ZBTB34: variants seen among roughly 807,000 people sequenced by gnomAD.
The protein encoded by ZBTB34 is zinc finger and BTB domain containing 34, also known as zinc finger and BTB domain-containing protein 34.
Under a neutral mutation model 33.4 loss-of-function variants are expected in ZBTB34, and 1 was observed. The observed-to-expected ratio is 0.03, with a 90% CI of 0.01 to 0.14. The LOEUF (loss-of-function observed/expected upper bound fraction) is 0.14, where lower values mean the gene tolerates loss of function less well. Among genes scored for constraint, ZBTB34 ranks in the 10% least tolerant of loss-of-function variants. The pLI, the probability that ZBTB34 is intolerant of heterozygous loss-of-function variation, is 1.00. For missense variants in ZBTB34, 406 were observed against 657.2 expected (o/e 0.62, Z 4.18); for synonymous variants, 283 against 253.5 (o/e 1.12, Z -1.11).
rs1456920742 is a variant in ZBTB34 at position 126,880,873 on chromosome 9, T to C, written c.1474T>C (p.Ser492Pro). 5 of 1,612,610 alleles carry C rather than the reference T, an allele frequency of 3.1e-6. No homozygotes were observed. In the East Asian group the frequency reaches 1.1e-4, roughly 36 times the overall value. ...ATCGGCCTCAGAGATGGGCCTAGAT[T>C]CCCGGATGGAAATTCACACAGTGTC... Residue 492 changes from serine to proline, a missense_variant, in exon 2 of 2, where the codon TCC (serine) becomes CCC (proline). By Grantham distance (74) the Ser-to-Pro change is moderately conservative. Around this residue, in one of 6 missense-constraint regions of ZBTB34, gnomAD observed 58 missense variants for 58.7 expected, o/e 0.99. Coordinates refer to ENST00000319119, the Ensembl canonical transcript of ZBTB34. This position sits in a 1 kb window ranked among gnomAD's most constrained non-coding sequence, Gnocchi z 6.7.
At position 126,874,475 on chromosome 9, in the gene ZBTB34, G is replaced by C. The variant is rs117777310; in HGVS notation, c.-10-4915G>C. On this transcript the variant is annotated intron_variant, in intron 1 of 1. Coordinates refer to ENST00000319119, the Ensembl canonical transcript of ZBTB34. ...TATTTCTTCTGTAGTTACTACGTTT[G>C]TTCTGGTATCTTTGTGTGCTTAGAA... Among the ~76,000 whole-genome samples, 991 of 152,222 alleles carry C rather than the reference G, an allele frequency of 6.5e-3. 39 individuals carry two copies. The East Asian group carries it at 0.1, about 16-fold the overall frequency.
At chr9:126,873,558 C>T (rs113093280) in intron 1 of ZBTB34, among the ~76,000 whole-genome samples, 4 of 152,078 alleles carry the variant, frequency 2.6e-5, no homozygotes, top group Admixed American at 6.6e-5. Context: ...ACCACCGTTC[C>T]TGGCCTCATA....
At chr9:126,872,339 A>G (rs1181617699) in intron 1 of ZBTB34, among the ~76,000 whole-genome samples, 1 of 152,172 alleles carries the variant, frequency 6.6e-6, no homozygotes, top group Non-Finnish European at 1.5e-5. Flanking sequence ...GCTTGGGCCT[A>G]GGAGGTTGAG....
exon 2 of ZBTB34, chr9:126,881,160 C>T: frequency 2.1e-6 from 1 of 476,286 alleles, no homozygotes; most frequent in Non-Finnish European, 3.9e-6. Flanking sequence ...TCCTCTTTGG[C>T]TGAACTCTTA....
At chr9:126,861,900 A>C (rs1225114313) in intron 1 of ZBTB34, among the ~76,000 whole-genome samples, 1 of 152,122 alleles carries the variant, frequency 6.6e-6, no homozygotes, top group Admixed American at 6.5e-5. Context: ...CAAACTTACT[A>C]TAGGAAGTCA....
rs146877384 is a variant in ZBTB34 at position 126,881,895 on chromosome 9, C to A, written c.*981C>A. 24 of 167,016 alleles carry A rather than the reference C, an allele frequency of 1.4e-4. 1 individual carries two copies. The East Asian group carries it at 4.6e-3, about 32-fold the overall frequency. 10.3% of individuals were successfully genotyped at this position (167,016 alleles called of 1,614,324 possible). On this transcript the variant is annotated 3_prime_UTR_variant, in exon 2 of 2. Coordinates refer to ENST00000319119, the Ensembl canonical transcript of ZBTB34. Reference sequence around the variant, plus strand: ...TCTATCATGAGTTAGTACTCACTCGCACTTAAGGAAAGGGATTTGTAGTTC... The same window carrying A: ...TCTATCATGAGTTAGTACTCACTCGAACTTAAGGAAAGGGATTTGTAGTTC...
chr9:126,880,888 C>G lies in ZBTB34; in HGVS notation c.1489C>G (p.His497Asp), dbSNP rs982003668. 1 of 1,612,348 alleles carries G rather than the reference C, an allele frequency of 6.2e-7. No homozygotes were observed. Among genetic ancestry groups the G allele is most frequent in the Non-Finnish European group, 8.5e-7 (1 of 1,179,316 alleles). The stretch of plus-strand genomic sequence containing the variant: ...GGGCCTAGATTCCCGGATGGAAATT[C>G]ACACAGTGTCTGATGCTCCCGATTA... The change falls in exon 2 of 2, where the codon CAC (histidine) becomes GAC (aspartate). Residue 497 changes from histidine to aspartate, a missense_variant. By Grantham distance (81) the His-to-Asp change is moderately conservative. This residue lies in a region of ZBTB34 where 58 missense variants were observed against 58.7 expected (regional missense o/e 0.99). Transcript: ENST00000319119. This position sits in a 1 kb window ranked among gnomAD's most constrained non-coding sequence, Gnocchi z 6.7.
At chr9:126,881,319 C>T (rs1404946996) in exon 2 of ZBTB34, 1 of 167,362 alleles carries the variant, frequency 6.0e-6, no homozygotes, top group East Asian at 1.9e-4. Context: ...AAATGGGTAA[C>T]CTTTTCTAAT....
chr9:126,867,391 A>G (rs1443684076), intron 1 of ZBTB34, among the ~76,000 whole-genome samples: 1 of 150,768 alleles, frequency 6.6e-6, no homozygotes, highest in Non-Finnish European at 1.5e-5. Flanking sequence ...TTGTATTTCA[A>G]ACGTCTTTAA....
At chr9:126,868,967 C>T (rs978065111) in intron 1 of ZBTB34, among the ~76,000 whole-genome samples, 4 of 151,898 alleles carry the variant, frequency 2.6e-5, no homozygotes, top group African/African-American at 7.3e-5. Flanking sequence ...ACGGTGGCCG[C>T]GGGGCCCACC....
chr9:126,885,021 T>A (rs2033501618), exon 2 of ZBTB34: 1 of 167,070 alleles, frequency 6.0e-6, no homozygotes, highest in African/African-American at 2.4e-5. Context: ...TTATGTAAAT[T>A]CTTTATATGA....
intron 1 of ZBTB34, among the ~76,000 whole-genome samples, chr9:126,863,960 C>T (rs1744755328): frequency 6.6e-6 from 1 of 152,168 alleles, no homozygotes; most frequent in Admixed American, 6.5e-5. Flanking sequence ...AAAGAAATGA[C>T]TGCAAACCAC....
chr9:126,873,810 G>A (rs929213481), intron 1 of ZBTB34, among the ~76,000 whole-genome samples: 3 of 150,578 alleles, frequency 2.0e-5, no homozygotes, highest in Admixed American at 1.3e-4. Flanking sequence ...GCACCAGGTC[G>A]ATCAGGCTGT....
intron 1 of ZBTB34, among the ~76,000 whole-genome samples, chr9:126,862,755 G>A (rs554054367): frequency 1.3e-5 from 2 of 151,954 alleles, no homozygotes; most frequent in Non-Finnish European, 2.9e-5. Context: ...ACTTGTTCTT[G>A]TCCCAACTGG....
intron 1 of ZBTB34, among the ~76,000 whole-genome samples, chr9:126,868,920 A>AG (rs923892059): frequency 1.3e-5 from 2 of 152,134 alleles, no homozygotes; most frequent in African/African-American, 4.8e-5. Context: ...TGAGGAGGAA[A>AG]GGGGGATCAA....
In ZBTB34 at chr9:126,865,178, C is replaced by T. The variant is rs141954283; in HGVS notation, c.-11+4439C>T. Reference sequence around the variant, plus strand: ...GGTTAGGTTGGAATAAGCCACCGTGCTAGATTTTGCTGTGGGCAGAGACGA... The same window carrying T: ...GGTTAGGTTGGAATAAGCCACCGTGTTAGATTTTGCTGTGGGCAGAGACGA... On this transcript the variant is annotated intron_variant, in intron 1 of 1. Coordinates refer to ENST00000319119, the Ensembl canonical transcript of ZBTB34. Among the ~76,000 whole-genome samples, 50 of 152,334 alleles carry T rather than the reference C, an allele frequency of 3.3e-4. No homozygotes were observed. In the East Asian group the frequency reaches 5.2e-3, roughly 16 times the overall value.
At chr9:126,868,453 G>C (rs2033237347) in intron 1 of ZBTB34, among the ~76,000 whole-genome samples, 1 of 152,162 alleles carries the variant, frequency 6.6e-6, no homozygotes, top group African/African-American at 2.4e-5. Context: ...TTTCCAGGCA[G>C]TGCCGCTCTC....
chr9:126,881,237 A>G (rs1422038471), exon 2 of ZBTB34: 2 of 275,568 alleles, frequency 7.3e-6, no homozygotes, highest in Non-Finnish European at 1.5e-5. Flanking sequence ...CAAGAGGCAT[A>G]CTCTTTCTCA....
exon 2 of ZBTB34, chr9:126,882,470 A>G (rs2033455547): frequency 1.2e-5 from 2 of 167,094 alleles, no homozygotes. Context: ...TCAGTTCTGT[A>G]TTGTGTTCAC....
Sources: gnomAD v4.1 joint callset for allele counts (sites outside exome capture counted in the v4.1 genomes callset) on GRCh38, gnomAD v4.1.1 for gene constraint, gnomAD v4.1.1 regional missense constraint, Gnocchi (gnomAD v3.1) non-coding constraint, MANE v1.5 for transcripts, NCBI Gene and HGNC (gene_info 2026-07-23, HGNC 2026-07-21) for gene names.